EFNA5: variants seen among roughly 807,000 people sequenced by gnomAD.
The protein encoded by EFNA5 is ephrin A5, also known as ephrin-A5.
Under a neutral mutation model 22.9 loss-of-function variants are expected in EFNA5, and 5 were observed. That is an observed-to-expected ratio of 0.22 (90% CI 0.11 to 0.46). EFNA5 has a LOEUF of 0.46. EFNA5 is among the 20% of genes least tolerant of loss of function. The probability of loss-of-function intolerance (pLI) is 0.99; values close to 1 mark genes in which losing one functional copy is unlikely to be tolerated. For synonymous variants in EFNA5, 113 were observed against 112.2 expected, an observed-to-expected ratio of 1.01 and a Z score of -0.04; for missense variants, 237 against 293.3, an observed-to-expected ratio of 0.81 and a Z score of 1.40.
intron 1 of EFNA5, among the ~76,000 whole-genome samples, chr5:107,519,552 CA>C (rs1326206790): frequency 6.6e-6 from 1 of 152,122 alleles, no homozygotes; most frequent in East Asian, 1.9e-4. Flanking sequence ...TGTAGGGTGT[CA>C]AAGTTCTAAG....
chr5:107,423,171 A>G (rs1053023416), intron 2 of EFNA5, among the ~76,000 whole-genome samples: 1 of 152,182 alleles, frequency 6.6e-6, no homozygotes, highest in Non-Finnish European at 1.5e-5. Flanking sequence ...TGATTCTCTC[A>G]AGATCATACA....
chr5:107,394,766 A>G (rs1453984457), intron 2 of EFNA5, among the ~76,000 whole-genome samples: 1 of 152,202 alleles, frequency 6.6e-6, no homozygotes, highest in Non-Finnish European at 1.5e-5. Context: ...AGCCACCTCA[A>G]GTAAATGGCT....
At chr5:107,560,242 T>C (rs754033859) in intron 1 of EFNA5, among the ~76,000 whole-genome samples, 1 of 152,224 alleles carries the variant, frequency 6.6e-6, no homozygotes, top group Non-Finnish European at 1.5e-5. Context: ...AGATTTTCAA[T>C]TTTTACTTAA....
chr5:107,654,528 A>G (rs1213929202), intron 1 of EFNA5, among the ~76,000 whole-genome samples: 2 of 152,138 alleles, frequency 1.3e-5, no homozygotes. Flanking sequence ...CATTAAGTAG[A>G]CTTTGTTCCT....
intron 1 of EFNA5, among the ~76,000 whole-genome samples, chr5:107,653,498 T>C (rs537653915): frequency 6.4e-4 from 98 of 152,294 alleles, no homozygotes; most frequent in African/African-American, 2.2e-3. Context: ...TAGGAGGCTT[T>C]GAGCAGGGCT....
At chr5:107,436,984 T>C (rs1329916578) in intron 1 of EFNA5, among the ~76,000 whole-genome samples, 3 of 152,208 alleles carry the variant, frequency 2.0e-5, no homozygotes, top group African/African-American at 4.8e-5. Context: ...GAGAGATTTT[T>C]GGAAAAGAGT....
intron 2 of EFNA5, among the ~76,000 whole-genome samples, chr5:107,398,904 C>T (rs1209102457): frequency 6.7e-6 from 1 of 149,746 alleles, no homozygotes; most frequent in Non-Finnish European, 1.5e-5. Flanking sequence ...GATTTGTTGA[C>T]CTAATATGAA....
intron 1 of EFNA5, among the ~76,000 whole-genome samples, chr5:107,539,134 T>C (rs1207312748): frequency 6.6e-6 from 1 of 152,230 alleles, no homozygotes; most frequent in Non-Finnish European, 1.5e-5. Context: ...ACTGGGTTCT[T>C]TGAATGTGGT....
chr5:107,657,576 A>G (rs1234840691), intron 1 of EFNA5, among the ~76,000 whole-genome samples: 1 of 152,176 alleles, frequency 6.6e-6, no homozygotes, highest in Admixed American at 6.5e-5. Flanking sequence ...GGATTTAAAA[A>G]GAAAAATATT....
At chr5:107,655,550 C>T (rs916910790) in intron 1 of EFNA5, among the ~76,000 whole-genome samples, 2 of 152,014 alleles carry the variant, frequency 1.3e-5, no homozygotes, top group Non-Finnish European at 2.9e-5. Flanking sequence ...TTTCTGGGTA[C>T]AGCGCATAAG....
At chr5:107,604,846 C>A (rs141911980) in intron 1 of EFNA5, among the ~76,000 whole-genome samples, 1 of 152,068 alleles carries the variant, frequency 6.6e-6, no homozygotes, top group South Asian at 2.1e-4. Flanking sequence ...GTTCACTCAG[C>A]GGTTCACTGT....
intron 1 of EFNA5, among the ~76,000 whole-genome samples, chr5:107,577,928 T>A (rs1392086719): frequency 6.6e-6 from 1 of 152,208 alleles, no homozygotes; most frequent in Non-Finnish European, 1.5e-5. Flanking sequence ...TCCTGAAATC[T>A]TAGGTTATGC....
At chr5:107,656,283 A>T (rs1045511106) in intron 1 of EFNA5, among the ~76,000 whole-genome samples, 5 of 152,192 alleles carry the variant, frequency 3.3e-5, no homozygotes, top group Non-Finnish European at 7.4e-5. Context: ...GAGATTCAAA[A>T]TCCCTTTCCC....
intron 1 of EFNA5, among the ~76,000 whole-genome samples, chr5:107,596,785 G>GA (rs1378162509): frequency 1.3e-5 from 2 of 150,414 alleles, no homozygotes; most frequent in East Asian, 1.9e-4. Flanking sequence ...TAGACATGAG[G>GA]AAAAAAAAAT....
chr5:107,482,860 CTCTCTCTCTCTATATATA>C (rs747295243), intron 1 of EFNA5, among the ~76,000 whole-genome samples: 16,224 of 87,770 alleles, frequency 0.18, 1,061 homozygotes, highest in South Asian at 0.34. Flanking sequence ...CTCTCTCTCT[CTCTCTCTCTCTATATATA>C]TATATATATA....
chr5:107,643,181 C>A (rs1213547210), intron 1 of EFNA5, among the ~76,000 whole-genome samples: 3 of 152,150 alleles, frequency 2.0e-5, no homozygotes, highest in African/African-American at 7.2e-5. Context: ...CTAAGTAGAT[C>A]TAACAAATGA....
intron 1 of EFNA5, among the ~76,000 whole-genome samples, chr5:107,565,805 G>A (rs10066973): frequency 0.029 from 4,418 of 152,282 alleles, 207 homozygotes; most frequent in African/African-American, 0.098. Context: ...AAATAGCTGA[G>A]TGAAAACAGA....
intron 1 of EFNA5, among the ~76,000 whole-genome samples, chr5:107,467,795 C>T (rs1750031368): frequency 6.6e-6 from 1 of 152,122 alleles, no homozygotes; most frequent in African/African-American, 2.4e-5. Context: ...GCTGTCTTTC[C>T]CAGGCAGAAG....
At chr5:107,588,006 A>G (rs1749228882) in intron 1 of EFNA5, among the ~76,000 whole-genome samples, 1 of 152,166 alleles carries the variant, frequency 6.6e-6, no homozygotes, top group Non-Finnish European at 1.5e-5. Flanking sequence ...AAAGAAAGTA[A>G]CTAACCCAGA....
Sources: allele counts gnomAD v4.1 joint callset (sites outside exome capture counted in the v4.1 genomes callset), GRCh38; gene constraint gnomAD v4.1.1; transcripts MANE v1.5; gene names NCBI Gene and HGNC (gene_info 2026-07-23, HGNC 2026-07-21).